The following UBA6 variants were observed in gnomAD, a reference collection of about 807,000 sequenced individuals.
The protein encoded by UBA6 is ubiquitin-like modifier-activating enzyme 6.
A neutral mutation model predicts 148.3 loss-of-function variants in UBA6; 87 were observed. That is an observed-to-expected ratio of 0.59 (90% CI 0.49 to 0.70). The LOEUF (loss-of-function observed/expected upper bound fraction) is 0.70. Among genes scored for constraint, UBA6 ranks in the 30% least tolerant of loss-of-function variants. The probability of loss-of-function intolerance (pLI) is 0.00; values close to 1 mark genes in which losing one functional copy is unlikely to be tolerated. For synonymous variants in UBA6, 376 were observed against 401.0 expected (o/e 0.94, Z 0.75); for missense variants, 1,186 against 1,241.2 (o/e 0.96, Z 0.67).
chr4:67,631,189 T>C (rs1456991356), intron 25 of UBA6, among the ~76,000 whole-genome samples: 2 of 152,124 alleles, frequency 1.3e-5, no homozygotes, highest in South Asian at 2.1e-4. Flanking sequence ...ATGTGAGACC[T>C]TGTCTCTTTC....
chr4:67,636,704 C>T (rs973163464), intron 19 of UBA6, among the ~76,000 whole-genome samples: 1 of 152,236 alleles, frequency 6.6e-6, no homozygotes, highest in Non-Finnish European at 1.5e-5. Flanking sequence ...CTCAATGTTG[C>T]CCAGGCTGGA....
chr4:67,626,719 C>A (rs1307002440), intron 27 of UBA6, among the ~76,000 whole-genome samples: 1 of 151,788 alleles, frequency 6.6e-6, no homozygotes, highest in Non-Finnish European at 1.5e-5. Flanking sequence ...CAACAGGGAT[C>A]TTTATGTATC....
Position 67,618,881 on chromosome 4 carries a change from T to G in UBA6, c.*116A>C. 1.9e-6 allele frequency: 2 copies of G among 1,054,970 alleles called. No individual in the cohort carries two copies. Among genetic ancestry groups the G allele is most frequent in the Non-Finnish European group, 2.7e-6 (2 of 737,610 alleles). 65.4% of individuals were successfully genotyped at this position (1,054,970 alleles called of 1,614,324 possible). On this transcript the variant is annotated 3_prime_UTR_variant, in exon 33 of 33. Coordinates refer to ENST00000322244, the MANE Select transcript of UBA6 (RefSeq NM_018227.6). Reference sequence around the variant, plus strand: ...TTCTTACTGATGTTTCCCTTAAAATTAAGGCTTAATGAAAGAGAAATCCAT... The same window carrying G: ...TTCTTACTGATGTTTCCCTTAAAATGAAGGCTTAATGAAAGAGAAATCCAT...
At chr4:67,644,586 T>G in intron 17 of UBA6, 112 bp downstream of exon 17, 4 of 617,386 alleles carry the variant, frequency 6.5e-6, no homozygotes, top group Non-Finnish European at 1.2e-5. Flanking sequence ...AATTTTTAGT[T>G]TAATGCTCTA....
chr4:67,670,330 T>C, intron 8 of UBA6, 140 bp downstream of exon 8: 1 of 662,160 alleles, frequency 1.5e-6, no homozygotes, highest in South Asian at 2.1e-5. Context: ...AGAAATTAGC[T>C]ACATATTCCC....
intron 7 of UBA6, among the ~76,000 whole-genome samples, chr4:67,673,464 C>T (rs1475285913): frequency 6.6e-6 from 1 of 150,384 alleles, no homozygotes; most frequent in Non-Finnish European, 1.5e-5. Flanking sequence ...CAATGTTTAT[C>T]ATCCTTTCCA....
intron 16 of UBA6, among the ~76,000 whole-genome samples, chr4:67,645,092 ACTTCTACTATTATCTAAAAT>A (rs1729392190): frequency 6.6e-6 from 1 of 152,178 alleles, no homozygotes; most frequent in Non-Finnish European, 1.5e-5. Context: ...CTATTCTAAG[ACTTCTACTATTATCTAAAAT>A]TGATAATACT....
At chr4:67,672,252 G>C (rs1730166457) in intron 7 of UBA6, among the ~76,000 whole-genome samples, 1 of 152,130 alleles carries the variant, frequency 6.6e-6, no homozygotes, top group Non-Finnish European at 1.5e-5. Flanking sequence ...TACTGTGTTA[G>C]AAATTAAAAC....
chr4:67,668,472 T>C, intron 9 of UBA6, 79 bp downstream of exon 9: 1 of 1,355,908 alleles, frequency 7.4e-7, no homozygotes, highest in Non-Finnish European at 1.0e-6. Flanking sequence ...TGAGTTGACA[T>C]TCTGTTCCCA....
chr4:67,669,457 A>G (rs1730087876), intron 8 of UBA6, among the ~76,000 whole-genome samples: 1 of 152,184 alleles, frequency 6.6e-6, no homozygotes, highest in Non-Finnish European at 1.5e-5. Context: ...CAGAAGTACA[A>G]ATTACAAATA....
chr4:67,700,575 T>A (rs1346674118), intron 1 of UBA6, among the ~76,000 whole-genome samples: 1 of 151,760 alleles, frequency 6.6e-6, no homozygotes, highest in Middle Eastern at 3.4e-3. Context: ...CCTCAGGGTG[T>A]CCAGATTGCT....
chr4:67,623,092 G>A, intron 31 of UBA6, 43 bp downstream of exon 31: 1 of 1,469,250 alleles, frequency 6.8e-7, no homozygotes, highest in African/African-American at 1.4e-5. Flanking sequence ...ACAGAAACCA[G>A]ACATAAAGCT....
intron 2 of UBA6, among the ~76,000 whole-genome samples, chr4:67,683,841 CAT>C: frequency 1.3e-5 from 2 of 152,076 alleles, no homozygotes; most frequent in African/African-American, 4.8e-5. Context: ...GGGAGGCCTA[CAT>C]GGGTGGATTA....
intron 13 of UBA6, among the ~76,000 whole-genome samples, chr4:67,657,653 A>T (rs931314464): frequency 2.2e-4 from 34 of 152,132 alleles, no homozygotes; most frequent in African/African-American, 8.2e-4. Context: ...AAGCAATGGC[A>T]ACAAAAGCCA....
chr4:67,681,488 A>T, intron 4 of UBA6, 75 bp downstream of exon 4: 2 of 961,372 alleles, frequency 2.1e-6, no homozygotes, highest in South Asian at 3.1e-5. Context: ...AACAAAGTAT[A>T]AACAATATTA....
At chr4:67,665,454 A>T (rs1381717902) in intron 9 of UBA6, among the ~76,000 whole-genome samples, 162 bp from the exon 10 acceptor site, 1 of 146,326 alleles carries the variant, frequency 6.8e-6, no homozygotes, top group Non-Finnish European at 1.5e-5. Flanking sequence ...TTTAATGAAG[A>T]GCTGGGAGGA....
In UBA6 at chr4:67,619,079, A is replaced by G. The variant is rs776901742; in HGVS notation, c.3077T>C (p.Val1026Ala). ...TCCATCAATGTCTGGAGCAAATGAC[A>G]CAGTAAGATCCACATATTTCTTTTC... Reference protein sequence around the residue: ...TTEKKYVDLTVSFAPDIDGDE... With the variant: ...TTEKKYVDLTASFAPDIDGDE... Residue 1026 changes from valine (V) to alanine (A), a missense_variant, in exon 33 of 33, where the codon GTG becomes GCG. Val to Ala is a moderately conservative substitution (Grantham distance 64, BLOSUM62 0). Transcript: ENST00000322244. 1 of 1,612,414 alleles carries G rather than the reference A, an allele frequency of 6.2e-7. No homozygotes were observed.
chr4:67,678,609 TACTAGA>T (rs1730348258), intron 4 of UBA6, 76 bp from the exon 5 acceptor site: 1 of 605,758 alleles, frequency 1.7e-6, no homozygotes, highest in South Asian at 3.1e-5. Flanking sequence ...ACTGACAATG[TACTAGA>T]ACTATTATTT....
chr4:67,696,813 A>C lies in UBA6; in HGVS notation c.72-106T>G, dbSNP rs985872512. The stretch of plus-strand genomic sequence containing the variant: ...TACTAAAGGTTTTCACAAACCAAAC[A>C]TATATTTTATTAACAACCACTTTAC... On this transcript the variant is annotated intron_variant, in intron 1 of 32. Coordinates refer to ENST00000322244, the MANE Select transcript of UBA6 (RefSeq NM_018227.6). 7.7e-6 allele frequency: 6 copies of C among 776,512 alleles called. No individual in the cohort carries two copies. In the African/African-American group the frequency reaches 1.1e-4, roughly 14 times the overall value. The allele number at this position is 776,512 out of a possible 1,614,324, so 48.1% of individuals were successfully genotyped here. A position where few individuals can be genotyped will look rare whatever the true frequency, so the allele number is the denominator to read the frequency against.
Sources: allele counts gnomAD v4.1 joint callset (sites outside exome capture counted in the v4.1 genomes callset), GRCh38; gene constraint gnomAD v4.1.1; transcripts MANE v1.5; gene names NCBI Gene and HGNC (gene_info 2026-07-23, HGNC 2026-07-21).